PPFIBP1: variants seen among roughly 807,000 people sequenced by gnomAD.
The protein encoded by PPFIBP1 is liprin-beta-1.
Under a neutral mutation model 137.8 loss-of-function variants are expected in PPFIBP1, and 112 were observed. That is an observed-to-expected ratio of 0.81 (90% CI 0.70 to 0.95). PPFIBP1 has a LOEUF of 0.95. PPFIBP1 is among the 40% of genes least tolerant of loss of function. The pLI, the probability that PPFIBP1 is intolerant of heterozygous loss-of-function variation, is 0.00. For missense variants in PPFIBP1, 1,083 were observed against 1,196.6 expected, an observed-to-expected ratio of 0.91 and a Z score of 1.40; for synonymous variants, 378 against 417.3, an observed-to-expected ratio of 0.91 and a Z score of 1.15.
chr12:27,547,781 A>C (rs573790999), intron 1 of PPFIBP1: 1 of 152,354 alleles, frequency 6.6e-6, no homozygotes, highest in African/African-American at 2.4e-5. Context: ...GCAACTGGCC[A>C]CCCCTTCTGG....
intron 2 of PPFIBP1, chr12:27,592,636 A>C: frequency 6.3e-7 from 1 of 1,595,258 alleles, no homozygotes; most frequent in Non-Finnish European, 8.6e-7. Context: ...CCCAAAGTTC[A>C]GGCAGCACTG....
intron 1 of PPFIBP1, among the ~76,000 whole-genome samples, chr12:27,528,944 A>G (rs1261051341): frequency 2.0e-5 from 3 of 152,190 alleles, no homozygotes; most frequent in Non-Finnish European, 4.4e-5. Flanking sequence ...CTGGAACTTG[A>G]TGGGACTCAC....
At chr12:27,621,089 T>G (rs1337393109) in intron 2 of PPFIBP1, among the ~76,000 whole-genome samples, 1 of 152,252 alleles carries the variant, frequency 6.6e-6, no homozygotes, top group African/African-American at 2.4e-5. Context: ...CTGTGCACTT[T>G]CAGGAGGCTG....
intron 2 of PPFIBP1, among the ~76,000 whole-genome samples, chr12:27,614,249 C>T (rs1360827624): frequency 1.3e-5 from 2 of 152,068 alleles, no homozygotes; most frequent in African/African-American, 4.8e-5. Flanking sequence ...TGTAGTGGTA[C>T]ATACCTGTGA....
Position 27,691,941 on chromosome 12 carries a change from C to T in PPFIBP1, c.2865+13C>T. 6.3e-7 allele frequency: 1 copy of T among 1,575,710 alleles called. No individual in the cohort carries two copies. Among genetic ancestry groups the T allele is most frequent in the South Asian group, 1.2e-5 (1 of 84,558 alleles). On this transcript the variant is annotated intron_variant, in intron 28 of 29. Transcript: ENST00000228425. ...CCGGTTAGAGCAGGTAAATCCAACA[C>T]TGTATAACTTTTTGCGAGTTCTTCC...
chr12:27,661,222 A>T (rs1385917173), intron 11 of PPFIBP1, among the ~76,000 whole-genome samples: 1 of 152,218 alleles, frequency 6.6e-6, no homozygotes, highest in African/African-American at 2.4e-5. Flanking sequence ...GAGAGGATAC[A>T]TTCCATAGTA....
chr12:27,579,077 A>G (rs2050828966), intron 2 of PPFIBP1, among the ~76,000 whole-genome samples: 1 of 152,224 alleles, frequency 6.6e-6, no homozygotes, highest in Non-Finnish European at 1.5e-5. Context: ...CTCACCCTTT[A>G]AAACCTTGGC....
intron 1 of PPFIBP1, among the ~76,000 whole-genome samples, chr12:27,539,477 T>C (rs1197180913): frequency 6.6e-6 from 1 of 152,222 alleles, no homozygotes; most frequent in Non-Finnish European, 1.5e-5. Flanking sequence ...TGATGGAAAA[T>C]GTTTTGACTA....
intron 2 of PPFIBP1, among the ~76,000 whole-genome samples, chr12:27,587,309 A>T (rs1240109280): frequency 6.6e-6 from 1 of 152,118 alleles, no homozygotes; most frequent in Non-Finnish European, 1.5e-5. Context: ...TAATGTTTTA[A>T]ATATATATAA....
chr12:27,683,963 AT>A (rs1387977003), intron 24 of PPFIBP1, among the ~76,000 whole-genome samples: 7 of 150,806 alleles, frequency 4.6e-5, no homozygotes, highest in Non-Finnish European at 1.0e-4. Context: ...AATTTTTTGT[AT>A]TTTTAATAGA....
intron 2 of PPFIBP1, among the ~76,000 whole-genome samples, chr12:27,601,136 T>C (rs1016920507): frequency 1.1e-4 from 17 of 152,126 alleles, no homozygotes; most frequent in African/African-American, 3.9e-4. Flanking sequence ...CTCCCCAAAA[T>C]GGTAAATTTT....
chr12:27,628,145 G>T (rs530867813), intron 2 of PPFIBP1, among the ~76,000 whole-genome samples: 1 of 152,170 alleles, frequency 6.6e-6, no homozygotes, highest in East Asian at 1.9e-4. Flanking sequence ...TTGCTATTTT[G>T]TGAGAATTAT....
At chr12:27,614,487 T>C (rs899216935) in intron 2 of PPFIBP1, among the ~76,000 whole-genome samples, 1 of 152,176 alleles carries the variant, frequency 6.6e-6, no homozygotes, top group Admixed American at 6.5e-5. Context: ...AGCTCCTGAA[T>C]AGTGATGCTA....
At chr12:27,567,075 T>C (rs2136547249) in intron 1 of PPFIBP1, among the ~76,000 whole-genome samples, 1 of 152,330 alleles carries the variant, frequency 6.6e-6, no homozygotes, top group African/African-American at 2.4e-5. Context: ...TTCTAATCTA[T>C]ATCAATAAAG....
Position 27,693,808 on chromosome 12 carries a change from G to A in PPFIBP1, c.*926G>A, listed in dbSNP as rs2061668905. 1 of 151,964 alleles carries A rather than the reference G, an allele frequency of 6.6e-6. No homozygotes were observed. The highest frequency in any genetic ancestry group is 1.5e-5 in the Non-Finnish European group (1 of 68,030). 9.4% of individuals were successfully genotyped at this position (151,964 alleles called of 1,614,324 possible). A position where few individuals can be genotyped will look rare whatever the true frequency, so the allele number is the denominator to read the frequency against. On this transcript the variant is annotated 3_prime_UTR_variant, in exon 30 of 30. Transcript: ENST00000228425. ...GCCATTCTGCTTCAGCCCCAAGTAG[G>A]TGGGACTCCAGGCATGCACCACCAT...
At chr12:27,626,807 C>T (rs2056857545) in intron 2 of PPFIBP1, among the ~76,000 whole-genome samples, 1 of 152,182 alleles carries the variant, frequency 6.6e-6, no homozygotes, top group African/African-American at 2.4e-5. Flanking sequence ...CTCAAGTGGT[C>T]TGCCCACCTC....
At chr12:27,675,172 GA>G (rs1398957226) in intron 17 of PPFIBP1, among the ~76,000 whole-genome samples, 2 of 151,996 alleles carry the variant, frequency 1.3e-5, no homozygotes, top group African/African-American at 4.8e-5. Context: ...TTAACCTTGT[GA>G]AGATTACAGC....
chr12:27,527,774 A>G (rs930215273), intron 1 of PPFIBP1, among the ~76,000 whole-genome samples: 1 of 151,194 alleles, frequency 6.6e-6, no homozygotes, highest in Non-Finnish European at 1.5e-5. Flanking sequence ...AAAATTAAGA[A>G]AAAAAAAAAT....
At chr12:27,671,407 T>G in intron 13 of PPFIBP1, 24 bp from the exon 14 acceptor site, 2 of 1,337,322 alleles carry the variant, frequency 1.5e-6, no homozygotes, top group Non-Finnish European at 2.1e-6. Flanking sequence ...ATTGATTGAT[T>G]GATTTTTTGT....
Sources: gnomAD v4.1 joint callset for allele counts (sites outside exome capture counted in the v4.1 genomes callset) on GRCh38, gnomAD v4.1.1 for gene constraint, MANE v1.5 for transcripts, NCBI Gene and HGNC (gene_info 2026-07-23, HGNC 2026-07-21) for gene names.